The following NFIB variants were observed in gnomAD, a reference collection of about 807,000 sequenced individuals.
NFIB encodes nuclear factor 1 B-type.
In NFIB, 11 loss-of-function variants were observed where a neutral mutation model predicts 61.5. The ratio of observed to expected loss-of-function variants is 0.18; its 90% confidence interval spans 0.11 to 0.30. NFIB has a LOEUF of 0.30. Ranked by LOEUF, NFIB falls within the 10% of genes least tolerant of loss-of-function variation. The pLI is 1.00. For synonymous variants in NFIB, 260 were observed against 216.5 expected (o/e 1.20, Z -1.76); for missense variants, 471 against 608.9 (o/e 0.77, Z 2.38).
chr9:14,444,208 C>A, the NFIB span, among the ~76,000 whole-genome samples: 1 of 152,130 alleles, frequency 6.6e-6, no homozygotes, highest in East Asian at 1.9e-4. Context: ...ACAAGAGAGG[C>A]TTAGGGTTAG....
At chr9:14,516,096 G>C in the NFIB span, among the ~76,000 whole-genome samples, 1 of 152,228 alleles carries the variant, frequency 6.6e-6, no homozygotes, top group Non-Finnish European at 1.5e-5. Flanking sequence ...CAGCAGCCGA[G>C]CTGCCCAGAG....
chr9:14,093,812 G>A (rs1188416052), intron 10 of NFIB, among the ~76,000 whole-genome samples: 1 of 152,052 alleles, frequency 6.6e-6, no homozygotes, highest in African/African-American at 2.4e-5. Flanking sequence ...CACAAAGGCT[G>A]CAGATTACGT....
the NFIB span, among the ~76,000 whole-genome samples, chr9:14,464,723 G>C: frequency 1.3e-5 from 2 of 152,148 alleles, no homozygotes; most frequent in African/African-American, 4.8e-5. Flanking sequence ...TGATGGACCA[G>C]AACCCTAAAG....
intron 2 of NFIB, among the ~76,000 whole-genome samples, chr9:14,258,670 A>T (rs1406829840): frequency 1.3e-5 from 2 of 152,240 alleles, no homozygotes; most frequent in African/African-American, 2.4e-5. Flanking sequence ...TAATCCCATT[A>T]TTTCAACTGT....
At chr9:14,109,605 G>A (rs75573590) in intron 10 of NFIB, among the ~76,000 whole-genome samples, 3 of 152,066 alleles carry the variant, frequency 2.0e-5, no homozygotes, top group African/African-American at 4.8e-5. Context: ...TGCCAATAGC[G>A]AATGCAATAA....
chr9:14,459,086 T>TG, the NFIB span, among the ~76,000 whole-genome samples: 1 of 151,990 alleles, frequency 6.6e-6, no homozygotes, highest in East Asian at 1.9e-4. Context: ...AGAACAAAGC[T>TG]GGAGGCATCA....
Position 14,116,343 on chromosome 9 carries a change from T to G in NFIB, c.1249A>C (p.Asn417His). The G allele has an allele frequency of 6.7e-7, 1 of 1,503,140 alleles. No individual in the cohort carries two copies. Among genetic ancestry groups the G allele is most frequent in the Non-Finnish European group, 8.9e-7 (1 of 1,124,516 alleles). 93.1% of individuals were successfully genotyped at this position (1,503,140 alleles called of 1,614,324 possible). ...TTCCCTACTACTTGACCACTGCCGTTAGGCTACAAAACAAAAACAGAATGC... is the reference window on the plus strand; with the variant it reads ...TTCCCTACTACTTGACCACTGCCGTGAGGCTACAAAACAAAAACAGAATGC... The part of the protein sequence containing the change: ...DPSSPQTSQP[N>H]GSGQVVGKVP... The change falls in exon 9 of 11, where the codon AAC becomes CAC. Residue 417 changes from asparagine (N) to histidine (H), a missense_variant. This residue lies in a region of NFIB where 372 missense variants were observed against 395.6 expected (regional missense o/e 0.94). Coordinates refer to ENST00000380953, the MANE Select transcript of NFIB (RefSeq NM_001190737.2).
chr9:14,490,016 A>T, the NFIB span, among the ~76,000 whole-genome samples: 4 of 152,142 alleles, frequency 2.6e-5, no homozygotes, highest in Non-Finnish European at 5.9e-5. Context: ...CTCTGGGCGT[A>T]TTTGAGATTG....
intron 3 of NFIB, among the ~76,000 whole-genome samples, chr9:14,166,510 T>C (rs930355625): frequency 2.0e-5 from 3 of 152,202 alleles, no homozygotes; most frequent in African/African-American, 7.2e-5. Flanking sequence ...ATTTTCTTCA[T>C]CCACGAAATG....
chr9:14,316,249 C>T (rs1288247228), upstream of NFIB, among the ~76,000 whole-genome samples: 1 of 152,246 alleles, frequency 6.6e-6, no homozygotes, highest in Admixed American at 6.5e-5. Context: ...TGCTCAAACA[C>T]AGTCCGTTTT....
At chr9:14,343,476 T>C (rs1039497763) in intron 1 of NFIB, among the ~76,000 whole-genome samples, 1 of 151,988 alleles carries the variant, frequency 6.6e-6, no homozygotes, top group African/African-American at 2.4e-5. Flanking sequence ...AAGGAGTTGC[T>C]ATTACAAAGG....
At chr9:14,156,251 A>G (rs970550191) in intron 3 of NFIB, among the ~76,000 whole-genome samples, 1 of 152,168 alleles carries the variant, frequency 6.6e-6, no homozygotes, top group East Asian at 1.9e-4. Flanking sequence ...TGAAAGAAAG[A>G]AAAAGGAAAC....
chr9:14,175,367 G>A (rs188232489), intron 3 of NFIB, among the ~76,000 whole-genome samples: 35 of 151,580 alleles, frequency 2.3e-4, no homozygotes, highest in Admixed American at 5.3e-4. Context: ...GTAGAGACGG[G>A]GTTTCACCAT....
Position 14,120,055 on chromosome 9 carries a change from T to C in NFIB, c.1245+385A>G, listed in dbSNP as rs2038725510. Among the ~76,000 whole-genome samples, 1 of 152,234 alleles carries C rather than the reference T, an allele frequency of 6.6e-6. No individual in the cohort carries two copies. Among genetic ancestry groups the C allele is most frequent in the Non-Finnish European group, 1.5e-5 (1 of 68,038 alleles). On this transcript the variant is annotated intron_variant, in intron 8 of 10. Transcript: ENST00000380953. This position sits in a 1 kb window ranked among gnomAD's most constrained non-coding sequence, Gnocchi z 4.4. The stretch of plus-strand genomic sequence containing the variant: ...TCTATAAATACAACTGTAAGTTCTT[T>C]TGTGTGTGTTTATTTTAGCACATAC...
the NFIB span, among the ~76,000 whole-genome samples, chr9:14,486,616 T>C: frequency 6.6e-6 from 1 of 152,106 alleles, no homozygotes; most frequent in African/African-American, 2.4e-5. Context: ...AGAAGGAATT[T>C]GGTTGGATAG....
Position 14,330,421 on chromosome 9 carries a change from T to A in NFIB, c.109-22901A>T, listed in dbSNP as rs76326879. Among the ~76,000 whole-genome samples the A allele has an allele frequency of 1.6e-3, 247 of 151,560 alleles. 2 individuals are homozygous for A. The highest frequency in any genetic ancestry group is 8.1e-3 in the South Asian group (39 of 4,794). On this transcript the variant is annotated intron_variant, in intron 1 of 8. Coordinates refer to the NFIB transcript ENST00000380934. Reference sequence around the variant, plus strand: ...TCAGAACACATGGTGCAACCAAGCATTTTTTTTTAAATGATTTTAAGATTT... The same window carrying A: ...TCAGAACACATGGTGCAACCAAGCAATTTTTTTTAAATGATTTTAAGATTT...
the NFIB span, among the ~76,000 whole-genome samples, chr9:14,504,692 G>C: frequency 6.6e-6 from 1 of 152,124 alleles, no homozygotes; most frequent in Non-Finnish European, 1.5e-5. Context: ...GTATCCTGAA[G>C]CTTTGCTGAA....
At chr9:14,268,690 T>C (rs2057391732) in intron 2 of NFIB, among the ~76,000 whole-genome samples, 1 of 152,252 alleles carries the variant, frequency 6.6e-6, no homozygotes, top group Non-Finnish European at 1.5e-5. Flanking sequence ...TACTATCTGT[T>C]TCATATGAAT....
At chr9:14,398,684 CG>C in exon 1 of NFIB, 2 of 1,326,610 alleles carry the variant, frequency 1.5e-6, no homozygotes, top group South Asian at 2.7e-5. Context: ...CTGCCATTTG[CG>C]CTGTTTTAGA....
Sources: allele counts gnomAD v4.1 joint callset (sites outside exome capture counted in the v4.1 genomes callset), GRCh38; gene constraint gnomAD v4.1.1; regional missense constraint gnomAD v4.1.1; non-coding constraint Gnocchi (gnomAD v3.1); transcripts MANE v1.5; gene names NCBI Gene and HGNC (gene_info 2026-07-23, HGNC 2026-07-21).